Variants in KIF9 observed in about 807,000 individuals in gnomAD.
The protein encoded by KIF9 is kinesin family member 9, also known as kinesin-like protein KIF9.
Under a neutral mutation model 94.8 loss-of-function variants are expected in KIF9, and 68 were observed. The observed-to-expected ratio is 0.72, with a 90% CI of 0.59 to 0.88. KIF9 has a LOEUF of 0.88. Among genes scored for constraint, KIF9 ranks in the 40% least tolerant of loss-of-function variants. The probability of loss-of-function intolerance (pLI) is 0.00; values close to 1 mark genes in which losing one functional copy is unlikely to be tolerated. For synonymous variants in KIF9, 343 were observed against 362.1 expected (o/e 0.95, Z 0.60); for missense variants, 882 against 982.5 (o/e 0.90, Z 1.37).
At position 47,243,076 on chromosome 3, in the gene KIF9, G is replaced by C. The variant is rs770001251; in HGVS notation, c.1684C>G (p.Pro562Ala). 5.6e-6 allele frequency: 9 copies of C among 1,611,188 alleles called. No individual in the cohort carries two copies. The South Asian group carries it at 9.9e-5, about 18-fold the overall frequency. The change falls in exon 16 of 21, where the codon CCG (proline) becomes GCG (alanine). Residue 562 changes from proline (P) to alanine (A), a missense_variant. Pro to Ala is a conservative substitution (Grantham distance 27). Transcript: ENST00000684063. ...CTAATTGGGCGTAATTCCTCCTTCGGGGAGTCTGAGGGAAGGGGCTCAATG... is the reference window on the plus strand; with the variant it reads ...CTAATTGGGCGTAATTCCTCCTTCGCGGAGTCTGAGGGAAGGGGCTCAATG... ...SSIEPLPSDSPKEELRPIRPD... is the reference protein window; with the variant it reads ...SSIEPLPSDSAKEELRPIRPD...
At chr3:47,281,496 C>T (rs947569039) in intron 1 of KIF9, among the ~76,000 whole-genome samples, 2 of 152,114 alleles carry the variant, frequency 1.3e-5, no homozygotes, top group Non-Finnish European at 2.9e-5. Context: ...TACAGGCGTG[C>T]ACCACCACGC....
intron 8 of KIF9, among the ~76,000 whole-genome samples, chr3:47,265,404 A>G (rs11130126): frequency 0.34 from 51,080 of 152,052 alleles, 8,925 homozygotes; most frequent in Middle Eastern, 0.47. Context: ...AAGGGAAGAC[A>G]CCATGGGAGA....
At chr3:47,239,797 T>G (rs373733694) in intron 17 of KIF9, 20 of 1,366,254 alleles carry the variant, frequency 1.5e-5, no homozygotes, top group Non-Finnish European at 2.0e-5. Context: ...GTGAGTGAGA[T>G]GATGCATCTG....
chr3:47,229,434 AAC>A (rs1307649127), intron 20 of KIF9, among the ~76,000 whole-genome samples: 2 of 152,112 alleles, frequency 1.3e-5, no homozygotes, highest in Non-Finnish European at 2.9e-5. Context: ...TACACACACA[AAC>A]ACACACACAT....
In KIF9 at chr3:47,236,014, C is replaced by T. The variant is rs1200578689; in HGVS notation, c.2217+20G>A. On this transcript the variant is annotated intron_variant, in intron 19 of 20. Transcript: ENST00000684063. ...CCCCATGTTCAACCACTGCCACACC[C>T]CTGCCCCTGTGCCGCTCACCAGAGA... The T allele has an allele frequency of 2.5e-6, 4 of 1,573,534 alleles. No individual in the cohort carries two copies. In the South Asian group the frequency reaches 4.4e-5, roughly 17 times the overall value.
Position 47,277,344 on chromosome 3 carries a change from C to T in KIF9, c.31G>A (p.Val11Ile). MGTRKKVHAF[V>I]RVKPTDDFAH... ...AAGTCATCGGTGGGTTTGACACGGA[C>T]AAATGCATGAACTTTTTTCCTAGTA... The change falls in exon 2 of 21, where the codon GTC (valine) becomes ATC (isoleucine). Residue 11 changes from valine (V) to isoleucine (I), a missense_variant. Transcript: ENST00000684063. 2 of 1,613,744 alleles carry T rather than the reference C, an allele frequency of 1.2e-6. No individual in the cohort carries two copies. Among genetic ancestry groups the T allele is most frequent in the African/African-American group, 1.3e-5 (1 of 74,998 alleles).
intron 10 of KIF9, among the ~76,000 whole-genome samples, chr3:47,255,659 A>G (rs141398680): frequency 2.6e-5 from 4 of 152,224 alleles, no homozygotes; most frequent in African/African-American, 7.2e-5. Flanking sequence ...TGATTCTGCC[A>G]GTCTAGGGTA....
At chr3:47,270,414 C>T (rs948192195) in intron 5 of KIF9, among the ~76,000 whole-genome samples, 2 of 151,654 alleles carry the variant, frequency 1.3e-5, no homozygotes, top group African/African-American at 2.4e-5. Flanking sequence ...CCACCACACC[C>T]AGCTTATTTT....
intron 5 of KIF9, among the ~76,000 whole-genome samples, chr3:47,270,174 G>A (rs1701552019): frequency 6.6e-6 from 1 of 151,902 alleles, no homozygotes. Flanking sequence ...AAAGTGCTGG[G>A]ATTACAGGCA....
intron 20 of KIF9, among the ~76,000 whole-genome samples, chr3:47,230,164 G>C (rs965457220): frequency 6.6e-6 from 1 of 152,116 alleles, no homozygotes; most frequent in Admixed American, 6.5e-5. Flanking sequence ...CATGATCCCA[G>C]CACTTTGGGA....
At chr3:47,273,374 G>A (rs1196437182) in intron 4 of KIF9, among the ~76,000 whole-genome samples, 178 bp downstream of exon 4, 1 of 152,124 alleles carries the variant, frequency 6.6e-6, no homozygotes, top group Non-Finnish European at 1.5e-5. Flanking sequence ...CTGGTTTCCT[G>A]AGGCCCCTGA....
intron 13 of KIF9, chr3:47,245,784 C>G: frequency 1.9e-6 from 1 of 520,778 alleles, no homozygotes; most frequent in Non-Finnish European, 3.5e-6. Flanking sequence ...GTAAGCTTCA[C>G]TTGGGACCAT....
chr3:47,264,406 G>T, intron 8 of KIF9, 56 bp from the exon 9 acceptor site: 2 of 1,374,708 alleles, frequency 1.5e-6, no homozygotes, highest in Non-Finnish European at 2.1e-6. Context: ...CTGCTCCAAA[G>T]GAGTTGATGG....
In KIF9 at chr3:47,273,629, C is replaced by A; in HGVS notation, c.289G>T (p.Ala97Ser). 1.9e-6 allele frequency: 3 copies of A among 1,614,158 alleles called. No homozygotes were observed. In the South Asian group the frequency reaches 3.3e-5, roughly 18 times the overall value. Residue 97 changes from alanine to serine, a missense_variant, in exon 4 of 21, where the codon GCT becomes TCT. By Grantham distance (99) the Ala-to-Ser change is moderately conservative. Transcript: ENST00000684063. ...CCCATCATGGTGTATGTCTTGCCAG[C>A]TCCCGTCTGCCCATAACACATGATG... ...GTIMCYGQTG[A>S]GKTYTMMGAT...
intron 4 of KIF9, among the ~76,000 whole-genome samples, chr3:47,271,986 G>A (rs551990509): frequency 6.6e-6 from 1 of 152,270 alleles, no homozygotes; most frequent in Non-Finnish European, 1.5e-5. Flanking sequence ...TGGGCGTGGT[G>A]GCGTGCGCCT....
At chr3:47,253,531 C>G (rs1361604584) in intron 10 of KIF9, among the ~76,000 whole-genome samples, 2 of 152,034 alleles carry the variant, frequency 1.3e-5, no homozygotes, top group Non-Finnish European at 2.9e-5. Context: ...TACAAATCCA[C>G]TCCCCTCCCA....
At chr3:47,278,255 T>G (rs1044096988) in intron 1 of KIF9, among the ~76,000 whole-genome samples, 1 of 152,028 alleles carries the variant, frequency 6.6e-6, no homozygotes, top group East Asian at 1.9e-4. Flanking sequence ...TACATTTTTT[T>G]TGCAGAGATG....
At chr3:47,232,307 C>T (rs371051976) in intron 20 of KIF9, among the ~76,000 whole-genome samples, 13 of 151,756 alleles carry the variant, frequency 8.6e-5, no homozygotes, top group African/African-American at 2.9e-4. Context: ...GTTTTTTTTA[C>T]GGAGTCTCAC....
chr3:47,257,533 T>C lies in KIF9; in HGVS notation c.1009A>G (p.Met337Val), dbSNP rs1700700697. ...GCAGGCTCAGTGGTGACTAGCTTCA[T>C]CCTGCTGGCAAATCTCAGTGAAGAT... is the stretch of plus-strand genomic sequence containing the variant. ...TLSSLRFASR[M>V]KLVTTEPAIN... Residue 337 changes from methionine to valine, a missense_variant, in exon 10 of 21, where the codon ATG (methionine) becomes GTG (valine). Met to Val is a conservative substitution (Grantham distance 21). Transcript: ENST00000684063. 6.2e-7 allele frequency: 1 copy of C among 1,613,786 alleles called. No homozygotes were observed. Among genetic ancestry groups the C allele is most frequent in the Non-Finnish European group, 8.5e-7 (1 of 1,180,026 alleles).
Sources: gnomAD v4.1 joint callset for allele counts (sites outside exome capture counted in the v4.1 genomes callset) on GRCh38, gnomAD v4.1.1 for gene constraint, MANE v1.5 for transcripts, NCBI Gene and HGNC (gene_info 2026-07-23, HGNC 2026-07-21) for gene names.